Variants in GALNTL6 observed in about 807,000 individuals in gnomAD.
GALNTL6 encodes the protein polypeptide N-acetylgalactosaminyltransferase-like 6.
A neutral mutation model predicts 73.7 loss-of-function variants in GALNTL6; 46 were observed. That is an observed-to-expected ratio of 0.62 (90% CI 0.49 to 0.80). The LOEUF (loss-of-function observed/expected upper bound fraction) is 0.80. GALNTL6 is among the 30% of genes least tolerant of loss of function. GALNTL6 has a pLI of 0.00. For synonymous variants in GALNTL6, 259 were observed against 263.7 expected (o/e 0.98, Z 0.17); for missense variants, 604 against 755.0 (o/e 0.80, Z 2.34).
At chr4:171,995,554 CA>C (rs1740461344) in intron 2 of GALNTL6, among the ~76,000 whole-genome samples, 1 of 151,754 alleles carries the variant, frequency 6.6e-6, no homozygotes, top group Non-Finnish European at 1.5e-5. Flanking sequence ...TATTATGTGA[CA>C]AAAACCAGTG....
chr4:172,057,757 T>TATATATATATATATAA (rs1491338494), intron 2 of GALNTL6, among the ~76,000 whole-genome samples: 4 of 132,136 alleles, frequency 3.0e-5, no homozygotes, highest in African/African-American at 1.2e-4. Flanking sequence ...TATATATATA[T>TATATATATATATATAA]AAATCAAGTT....
intron 2 of GALNTL6, among the ~76,000 whole-genome samples, chr4:172,227,265 G>A (rs1375243130): frequency 6.6e-6 from 1 of 152,178 alleles, no homozygotes; most frequent in Non-Finnish European, 1.5e-5. Flanking sequence ...GTAAGCTGTG[G>A]ACTGGCAGCT....
chr4:172,446,150 A>G (rs1047869027), intron 5 of GALNTL6, among the ~76,000 whole-genome samples: 14 of 152,338 alleles, frequency 9.2e-5, no homozygotes, highest in Middle Eastern at 3.4e-3. Context: ...TTTGATATAC[A>G]TAATCTCACT....
chr4:172,006,101 G>A (rs1449677635), intron 2 of GALNTL6, among the ~76,000 whole-genome samples: 24 of 152,112 alleles, frequency 1.6e-4, no homozygotes, highest in Admixed American at 1.5e-3. Context: ...TTTAACAACA[G>A]CATGTCTACG....
intron 5 of GALNTL6, among the ~76,000 whole-genome samples, chr4:172,586,365 A>G (rs1217879074): frequency 6.6e-6 from 1 of 152,096 alleles, no homozygotes; most frequent in East Asian, 1.9e-4. Context: ...GATTGTTGCT[A>G]TTAATTCTGG....
At chr4:172,155,014 T>G (rs1734212155) in intron 2 of GALNTL6, among the ~76,000 whole-genome samples, 1 of 152,028 alleles carries the variant, frequency 6.6e-6, no homozygotes, top group Non-Finnish European at 1.5e-5. Flanking sequence ...TTTTTTTTTT[T>G]TGAGACGTAG....
At chr4:172,737,937 T>A (rs1241777707) in intron 5 of GALNTL6, among the ~76,000 whole-genome samples, 2 of 152,138 alleles carry the variant, frequency 1.3e-5, no homozygotes, top group Non-Finnish European at 2.9e-5. Flanking sequence ...GCTAGGGGAT[T>A]ATAAAGAGGG....
At chr4:172,993,634 A>T (rs1751639153) in intron 10 of GALNTL6, among the ~76,000 whole-genome samples, 1 of 152,358 alleles carries the variant, frequency 6.6e-6, no homozygotes, top group Non-Finnish European at 1.5e-5. Context: ...GGGGCTAATT[A>T]GAACTAGAAC....
intron 5 of GALNTL6, among the ~76,000 whole-genome samples, chr4:172,519,277 G>C (rs957736252): frequency 1.3e-5 from 2 of 150,424 alleles, no homozygotes; most frequent in Non-Finnish European, 3.0e-5. Flanking sequence ...AAAATTAATG[G>C]TCACTTTCCT....
At chr4:172,420,687 C>T (rs1460689514) in intron 5 of GALNTL6, among the ~76,000 whole-genome samples, 3 of 151,858 alleles carry the variant, frequency 2.0e-5, no homozygotes, top group East Asian at 1.9e-4. Context: ...TTTAATTGCT[C>T]CTTAGTATAT....
At chr4:172,335,595 G>GT (rs974686422) in intron 4 of GALNTL6, among the ~76,000 whole-genome samples, 1 of 152,124 alleles carries the variant, frequency 6.6e-6, no homozygotes, top group African/African-American at 2.4e-5. Context: ...TGGTTGACAG[G>GT]TTTTTTATTG....
At chr4:172,234,508 G>A (rs909205874) in intron 3 of GALNTL6, among the ~76,000 whole-genome samples, 7 of 152,040 alleles carry the variant, frequency 4.6e-5, no homozygotes, top group Non-Finnish European at 2.9e-5. Context: ...GAGAGTTTGT[G>A]ACTTTCTTTT....
At chr4:172,157,369 A>G (rs999008552) in intron 2 of GALNTL6, among the ~76,000 whole-genome samples, 1 of 151,950 alleles carries the variant, frequency 6.6e-6, no homozygotes, top group Admixed American at 6.6e-5. Context: ...TGTGAGTCCT[A>G]CCTCTTTCTA....
chr4:172,281,356 T>C (rs1739048136), intron 3 of GALNTL6, among the ~76,000 whole-genome samples: 1 of 152,136 alleles, frequency 6.6e-6, no homozygotes, highest in African/African-American at 2.4e-5. Flanking sequence ...ACCTCTGCTT[T>C]AGTTGTCACA....
intron 5 of GALNTL6, among the ~76,000 whole-genome samples, chr4:172,367,236 G>C (rs1333952041): frequency 6.6e-6 from 1 of 152,190 alleles, no homozygotes; most frequent in Admixed American, 6.5e-5. Context: ...TTAACTCACA[G>C]ATATGCTGGT....
At chr4:172,547,556 T>G (rs1208372474) in intron 5 of GALNTL6, among the ~76,000 whole-genome samples, 1 of 152,144 alleles carries the variant, frequency 6.6e-6, no homozygotes, top group African/African-American at 2.4e-5. Context: ...TTTTTATACC[T>G]GCAACACCAT....
chr4:171,948,098 G>A (rs531101422), intron 2 of GALNTL6, among the ~76,000 whole-genome samples: 26 of 151,986 alleles, frequency 1.7e-4, no homozygotes, highest in Non-Finnish European at 2.4e-4. Context: ...CAGCAACAAA[G>A]ACATAACATT....
intron 5 of GALNTL6, among the ~76,000 whole-genome samples, chr4:172,398,101 A>G (rs1385727326): frequency 6.6e-6 from 1 of 152,124 alleles, no homozygotes; most frequent in Non-Finnish European, 1.5e-5. Flanking sequence ...CTTCATCACC[A>G]TACTGTTAGT....
intron 5 of GALNTL6, among the ~76,000 whole-genome samples, chr4:172,558,084 T>C (rs1184173217): frequency 6.6e-6 from 1 of 152,158 alleles, no homozygotes. Flanking sequence ...GGAATGATGA[T>C]ATATCCAGAA....
Sources: gnomAD v4.1 joint callset for allele counts (sites outside exome capture counted in the v4.1 genomes callset) on GRCh38, gnomAD v4.1.1 for gene constraint, MANE v1.5 for transcripts, NCBI Gene and HGNC (gene_info 2026-07-23, HGNC 2026-07-21) for gene names.